PPFIBP2: variants seen among roughly 807,000 people sequenced by gnomAD.
PPFIBP2 encodes the protein liprin-beta-2.
A neutral mutation model predicts 118.3 loss-of-function variants in PPFIBP2; 118 were observed. The ratio of observed to expected loss-of-function variants is 1.00; its 90% CI spans 0.86 to 1.16. PPFIBP2 has a LOEUF of 1.16. PPFIBP2 is among the 50% of genes most tolerant of loss of function. The pLI is 0.00. For synonymous variants in PPFIBP2, 414 were observed against 397.4 expected, an observed-to-expected ratio of 1.04 and a Z score of -0.50; for missense variants, 1,195 against 1,073.1, an observed-to-expected ratio of 1.11 and a Z score of -1.59.
intron 20 of PPFIBP2, 127 bp from the exon 21 acceptor site, chr11:7,649,405 A>T (rs979720743): frequency 2.5e-5 from 33 of 1,329,730 alleles, no homozygotes; most frequent in Non-Finnish European, 4.2e-6. Flanking sequence ...GTGATAAGCT[A>T]TTGGTGTCTC....
intron 3 of PPFIBP2, among the ~76,000 whole-genome samples, chr11:7,587,930 C>T (rs1483802685): frequency 6.6e-6 from 1 of 152,210 alleles, no homozygotes; most frequent in Non-Finnish European, 1.5e-5. Flanking sequence ...TGATTCTCTG[C>T]CAAGACTGAT....
chr11:7,649,111 T>C lies in PPFIBP2; in HGVS notation c.1910-36T>C, dbSNP rs371771905. 3.2e-6 allele frequency: 5 copies of C among 1,584,114 alleles called. No homozygotes were observed. In the African/African-American group the frequency reaches 5.4e-5, roughly 17 times the overall value. On this transcript the variant is annotated intron_variant, in intron 19 of 23. Transcript: ENST00000299492. ...TGGTGTCTACATTCTCTCATTCTCATGAATCCTGACACATCTGGGGTTTTT... is the reference window on the plus strand; with the variant it reads ...TGGTGTCTACATTCTCTCATTCTCACGAATCCTGACACATCTGGGGTTTTT...
chr11:7,583,814 G>T (rs1344002042), intron 3 of PPFIBP2, among the ~76,000 whole-genome samples: 1 of 152,216 alleles, frequency 6.6e-6, no homozygotes, highest in East Asian at 1.9e-4. Context: ...TGCTATGTTA[G>T]TTCTGGAAGA....
chr11:7,565,590 T>G lies in PPFIBP2; in HGVS notation c.102T>G (p.Cys34Trp). The G allele has an allele frequency of 1.2e-6, 2 of 1,614,194 alleles. No homozygotes were observed. Among genetic ancestry groups the G allele is most frequent in the Non-Finnish European group, 1.7e-6 (2 of 1,180,026 alleles). ...GTGCAGATCTTAGTGATGGTACTTG[T>G]GAGCCTGGACTGGCTTCCCCGGCCT... ...KTGADLSDGT[C>W]EPGLASPASY... The change falls in exon 3 of 24, where the codon TGT becomes TGG. Residue 34 changes from cysteine (C) to tryptophan (W), a missense_variant. Coordinates refer to ENST00000299492, the MANE Select transcript of PPFIBP2 (RefSeq NM_003621.5).
At chr11:7,552,707 C>T (rs1333189993) in intron 2 of PPFIBP2, among the ~76,000 whole-genome samples, 1 of 152,196 alleles carries the variant, frequency 6.6e-6, no homozygotes, top group Non-Finnish European at 1.5e-5. Context: ...GCCCTTTATG[C>T]ATCCCTTTTA....
intron 5 of PPFIBP2, among the ~76,000 whole-genome samples, chr11:7,609,348 T>G (rs183117908): frequency 7.0e-4 from 107 of 152,340 alleles, no homozygotes; most frequent in African/African-American, 2.5e-3. Flanking sequence ...TTGCTGTGTC[T>G]ATTCTCCTTG....
chr11:7,520,679 G>A (rs1446570208), intron 1 of PPFIBP2, among the ~76,000 whole-genome samples: 1 of 152,128 alleles, frequency 6.6e-6, no homozygotes, highest in Non-Finnish European at 1.5e-5. Context: ...GTGACATTCA[G>A]TCCCCATTTG....
intron 17 of PPFIBP2, among the ~76,000 whole-genome samples, chr11:7,644,005 T>G (rs1219615690): frequency 6.6e-6 from 1 of 152,216 alleles, no homozygotes; most frequent in African/African-American, 2.4e-5. Context: ...TAAATTTTTC[T>G]TTTTCAAAGT....
At chr11:7,623,476 T>C (rs754806668) in intron 7 of PPFIBP2, among the ~76,000 whole-genome samples, 1 of 152,188 alleles carries the variant, frequency 6.6e-6, no homozygotes, top group Non-Finnish European at 1.5e-5. Flanking sequence ...CAGAGATCGC[T>C]CAAAGGATAA....
intron 1 of PPFIBP2, among the ~76,000 whole-genome samples, chr11:7,530,998 G>A (rs1474233051): frequency 6.6e-6 from 1 of 152,082 alleles, no homozygotes; most frequent in Admixed American, 6.5e-5. Flanking sequence ...TGGGAGAGAG[G>A]TCCCAGGAGA....
At chr11:7,631,307 C>T (rs1255708354) in intron 11 of PPFIBP2, 3 of 333,472 alleles carry the variant, frequency 9.0e-6, no homozygotes, top group Non-Finnish European at 1.7e-5. Context: ...TCTTTTTTTT[C>T]TCTGGAATGT....
At chr11:7,579,545 A>G (rs1856950215) in intron 3 of PPFIBP2, among the ~76,000 whole-genome samples, 1 of 152,212 alleles carries the variant, frequency 6.6e-6, no homozygotes, top group African/African-American at 2.4e-5. Context: ...TGAAGCTTTT[A>G]ATCAAGAAAT....
rs370629604 is a variant in PPFIBP2, at chr11:7,620,538, A to G, written c.619-397A>G. On this transcript the variant is annotated intron_variant, in intron 6 of 23. Coordinates refer to ENST00000299492, the MANE Select transcript of PPFIBP2 (RefSeq NM_003621.5). ...CTCCCAGCACAGAGAGATGCTCCCA[A>G]TTAGCCTGCTTTCTACTACTTTGCA... Among the ~76,000 whole-genome samples the G allele has an allele frequency of 8.5e-5, 13 of 152,182 alleles. No individual in the cohort carries two copies. In the East Asian group the frequency reaches 2.3e-3, roughly 27 times the overall value.
At chr11:7,560,010 TCC>T (rs1395058930) in intron 2 of PPFIBP2, among the ~76,000 whole-genome samples, 4 of 152,230 alleles carry the variant, frequency 2.6e-5, no homozygotes, top group Non-Finnish European at 5.9e-5. Flanking sequence ...GTTGAGTATG[TCC>T]TGTTTCCAGA....
intron 2 of PPFIBP2, among the ~76,000 whole-genome samples, chr11:7,563,349 C>T (rs1041592273): frequency 1.3e-5 from 2 of 152,110 alleles, no homozygotes; most frequent in Non-Finnish European, 2.9e-5. Flanking sequence ...GTTCTAAGTC[C>T]ACTCTTAATT....
the PPFIBP2 span, among the ~76,000 whole-genome samples, chr11:7,664,002 C>T: frequency 0.3 from 45,895 of 151,932 alleles, 8,350 homozygotes; most frequent in Non-Finnish European, 0.41. Flanking sequence ...TGCCCTGCTT[C>T]GGCTCGCACA....
At chr11:7,593,017 C>T (rs1859623124) in intron 3 of PPFIBP2, 115 bp from the exon 4 acceptor site, 16 of 1,417,080 alleles carry the variant, frequency 1.1e-5, no homozygotes, top group Non-Finnish European at 4.7e-6. Context: ...TGGTTTTGTA[C>T]ATATAATCAG....
At position 7,597,351 on chromosome 11, in the gene PPFIBP2, A is replaced by G. The variant is rs374872865; in HGVS notation, c.373-209A>G. 454 of 1,535,792 alleles carry G rather than the reference A, an allele frequency of 3.0e-4. 4 individuals carry two copies. In the South Asian group the frequency reaches 4.9e-3, roughly 17 times the overall value. ...TAAACGTGACCCATGTCATCAGAGCAGTGGCCGAGACTCCCTGGTAAGGTA... is the reference window on the plus strand; with the variant it reads ...TAAACGTGACCCATGTCATCAGAGCGGTGGCCGAGACTCCCTGGTAAGGTA... On this transcript the variant is annotated intron_variant, in intron 4 of 23. Coordinates refer to ENST00000299492, the MANE Select transcript of PPFIBP2 (RefSeq NM_003621.5).
chr11:7,556,008 C>A (rs1312038519), intron 2 of PPFIBP2, among the ~76,000 whole-genome samples: 1 of 152,048 alleles, frequency 6.6e-6, no homozygotes, highest in Non-Finnish European at 1.5e-5. Context: ...TTTACTGAGG[C>A]TTTCCATTTT....
Sources: allele counts gnomAD v4.1 joint callset (sites outside exome capture counted in the v4.1 genomes callset), GRCh38; gene constraint gnomAD v4.1.1; transcripts MANE v1.5; gene names NCBI Gene and HGNC (gene_info 2026-07-23, HGNC 2026-07-21).